The following PAK5 variants were observed in gnomAD, a reference collection of about 807,000 sequenced individuals.
PAK5 encodes serine/threonine-protein kinase PAK 5.
PAK5 carries 16 observed loss-of-function variants against 65.9 expected under a neutral mutation model. The ratio of observed to expected loss-of-function variants is 0.24; its 90% CI spans 0.16 to 0.37. The LOEUF is 0.37. Ranked by LOEUF, PAK5 falls within the 10% of genes least tolerant of loss-of-function variation. PAK5 has a pLI of 1.00. For missense variants in PAK5, 785 were observed against 903.9 expected (o/e 0.87, Z 1.69); for synonymous variants, 371 against 354.9 (o/e 1.05, Z -0.51).
intron 2 of PAK5, 77 bp from the exon 3 acceptor site, chr20:9,644,416 C>T (rs1323849057): frequency 2.2e-6 from 2 of 894,794 alleles, no homozygotes; most frequent in African/African-American, 3.4e-5. Flanking sequence ...ATTGTTAATT[C>T]ACTCAGGGCA....
chr20:9,569,101 AGTAAATGTTTGTTATTTAAAGTTTAGG>A (rs2045731803), intron 4 of PAK5, among the ~76,000 whole-genome samples: 1 of 152,246 alleles, frequency 6.6e-6, no homozygotes. Context: ...ACTGTGAAAT[AGTAAATGTTTGTTATTTAAAGTTTAGG>A]GGAAATTAGT....
At chr20:9,793,730 G>T (rs898014622) in intron 1 of PAK5, among the ~76,000 whole-genome samples, 1 of 147,262 alleles carries the variant, frequency 6.8e-6, no homozygotes, top group Non-Finnish European at 1.5e-5. Context: ...CACTGTTGAT[G>T]AGTGTAAATT....
chr20:9,743,346 G>A (rs189846008), intron 1 of PAK5, among the ~76,000 whole-genome samples: 10 of 151,988 alleles, frequency 6.6e-5, no homozygotes, highest in African/African-American at 2.2e-4. Flanking sequence ...CTCCAGCATG[G>A]GTGACAGATA....
At chr20:9,691,811 T>C (rs2123434796) in intron 2 of PAK5, among the ~76,000 whole-genome samples, 1 of 152,320 alleles carries the variant, frequency 6.6e-6, no homozygotes, top group Middle Eastern at 3.4e-3. Flanking sequence ...GAAAACCCCA[T>C]ATTCAGTCTG....
At chr20:9,617,802 GC>G (rs2046688964) in intron 3 of PAK5, among the ~76,000 whole-genome samples, 1 of 151,856 alleles carries the variant, frequency 6.6e-6, no homozygotes, top group South Asian at 2.1e-4. Context: ...TGATCCACCC[GC>G]CTCGGCCTCC....
intron 3 of PAK5, among the ~76,000 whole-genome samples, chr20:9,632,751 A>G (rs1052892510): frequency 2.6e-5 from 4 of 152,218 alleles, no homozygotes; most frequent in Admixed American, 6.5e-5. Context: ...TAGTTACACA[A>G]TCTACAAGGT....
chr20:9,740,724 G>C (rs2048442302), intron 1 of PAK5, among the ~76,000 whole-genome samples: 1 of 152,214 alleles, frequency 6.6e-6, no homozygotes, highest in Non-Finnish European at 1.5e-5. Context: ...TCAGCCAACA[G>C]CCAGCCAAGT....
At chr20:9,753,043 G>A (rs1399411356) in intron 1 of PAK5, among the ~76,000 whole-genome samples, 1 of 152,092 alleles carries the variant, frequency 6.6e-6, no homozygotes. Flanking sequence ...TCCTAGAAGA[G>A]GGCAACCCAG....
At chr20:9,620,036 T>A (rs761612120) in intron 3 of PAK5, among the ~76,000 whole-genome samples, 52 of 152,258 alleles carry the variant, frequency 3.4e-4, no homozygotes, top group Non-Finnish European at 6.8e-4. Flanking sequence ...TGAGATGGAA[T>A]GAAATGGACA....
intron 2 of PAK5, among the ~76,000 whole-genome samples, chr20:9,657,741 T>C (rs969932013): frequency 6.6e-6 from 1 of 152,160 alleles, no homozygotes; most frequent in South Asian, 2.1e-4. Context: ...TCAGCCTTTA[T>C]GGATAAAAAG....
chr20:9,775,163 A>G (rs1037235331), intron 1 of PAK5, among the ~76,000 whole-genome samples: 1 of 152,180 alleles, frequency 6.6e-6, no homozygotes, highest in African/African-American at 2.4e-5. Flanking sequence ...GAAATGTTCT[A>G]TCTTGGTTGG....
Position 9,699,191 on chromosome 20 carries a change from C to T in PAK5, c.-12+12095G>A, listed in dbSNP as rs2047906995. Among the ~76,000 whole-genome samples, 2 of 152,124 alleles carry T rather than the reference C, an allele frequency of 1.3e-5. 1 individual carries two copies. Among genetic ancestry groups the T allele is most frequent in the South Asian group, 4.1e-4 (2 of 4,826 alleles). On this transcript the variant is annotated intron_variant, in intron 2 of 9. Transcript: ENST00000353224. ...CACTATTTACAGGTTGTTTGAAATACACAGTCCTGATTGTAATATTAGAGG... is the reference window on the plus strand; with the variant it reads ...CACTATTTACAGGTTGTTTGAAATATACAGTCCTGATTGTAATATTAGAGG...
intron 1 of PAK5, among the ~76,000 whole-genome samples, chr20:9,817,558 G>A (rs780947805): frequency 1.3e-5 from 2 of 152,082 alleles, no homozygotes; most frequent in Admixed American, 1.3e-4. Flanking sequence ...ATAAATGAAC[G>A]AGATAATTTC....
At chr20:9,661,087 G>A (rs2047339796) in intron 2 of PAK5, among the ~76,000 whole-genome samples, 1 of 152,162 alleles carries the variant, frequency 6.6e-6, no homozygotes, top group South Asian at 2.1e-4. Flanking sequence ...AGCTGTGATT[G>A]AGGGCATCAG....
At chr20:9,554,211 A>C (rs1292288023) in intron 7 of PAK5, among the ~76,000 whole-genome samples, 1 of 152,210 alleles carries the variant, frequency 6.6e-6, no homozygotes, top group East Asian at 1.9e-4. Flanking sequence ...TCTCACACTG[A>C]GGAGGACTCT....
intron 1 of PAK5, among the ~76,000 whole-genome samples, chr20:9,773,610 G>T (rs1290198492): frequency 1.3e-5 from 2 of 152,166 alleles, no homozygotes; most frequent in Non-Finnish European, 2.9e-5. Context: ...AAAGAGAAGA[G>T]AAAGAAAAGA....
chr20:9,608,123 G>T (rs2046489059), intron 3 of PAK5, among the ~76,000 whole-genome samples: 1 of 152,096 alleles, frequency 6.6e-6, no homozygotes, highest in Non-Finnish European at 1.5e-5. Flanking sequence ...ATTCATAAGG[G>T]CTCTGCCCTT....
In PAK5 at chr20:9,838,096, G is replaced by T. The variant is rs987847336; in HGVS notation, c.-162+666C>A. 6.6e-6 allele frequency among the ~76,000 whole-genome samples: 1 copy of T among 151,982 alleles called. No homozygotes were observed. Among genetic ancestry groups the T allele is most frequent in the African/African-American group, 2.4e-5 (1 of 41,384 alleles). The stretch of plus-strand genomic sequence containing the variant: ...GGCACACAATTTTGACAAGAGTTTG[G>T]AACCAAGATCCTCTTCCACGCCCTG... On this transcript the variant is annotated intron_variant, in intron 1 of 9. Coordinates refer to ENST00000353224, the MANE Select transcript of PAK5 (RefSeq NM_177990.4). This position sits in a 1 kb window ranked among gnomAD's most constrained non-coding sequence, Gnocchi z 4.5.
chr20:9,833,507 C>T (rs1214447040), intron 1 of PAK5, among the ~76,000 whole-genome samples: 1 of 151,182 alleles, frequency 6.6e-6, no homozygotes, highest in African/African-American at 2.4e-5. Context: ...TCGTCTCCAC[C>T]ATCAAACTTC....
Sources: gnomAD v4.1 joint callset for allele counts (sites outside exome capture counted in the v4.1 genomes callset) on GRCh38, gnomAD v4.1.1 for gene constraint, Gnocchi (gnomAD v3.1) non-coding constraint, MANE v1.5 for transcripts, NCBI Gene and HGNC (gene_info 2026-07-23, HGNC 2026-07-21) for gene names.